The following ESF1 variants were observed in gnomAD, a reference collection of about 807,000 sequenced individuals.
ESF1 encodes ESF1 nucleolar pre-rRNA processing protein, also known as ESF1 homolog.
A neutral mutation model predicts 92.0 loss-of-function variants in ESF1; 58 were observed. That is an observed-to-expected ratio of 0.63 (90% CI 0.51 to 0.78). The LOEUF (loss-of-function observed/expected upper bound fraction) is 0.78, where lower values mean the gene tolerates loss of function less well. ESF1 is among the 30% of genes least tolerant of loss of function. The probability of loss-of-function intolerance (pLI) is 0.00; values close to 1 mark genes in which losing one functional copy is unlikely to be tolerated. For synonymous variants in ESF1, 321 were observed against 313.7 expected (o/e 1.02, Z -0.24); for missense variants, 922 against 989.1 (o/e 0.93, Z 0.91).
rs1978851869 is a variant in ESF1 at position 13,755,486 on chromosome 20, A to G, written c.1828+4206T>C. On this transcript the variant is annotated intron_variant, in intron 9 of 13. Coordinates refer to ENST00000617257, the MANE Select transcript of ESF1 (RefSeq NM_001276380.2). ...TTATACGTGTATTAGAAATTCCTCA[A>G]CGAGGTACATTTCTTGATGAAGGCC... 3.3e-5 allele frequency among the ~76,000 whole-genome samples: 5 copies of G among 152,222 alleles called. No homozygotes were observed. The South Asian group carries it at 1.0e-3, about 32-fold the overall frequency.
At chr20:13,758,339 T>C (rs1347283134) in intron 9 of ESF1, among the ~76,000 whole-genome samples, 1 of 152,212 alleles carries the variant, frequency 6.6e-6, no homozygotes, top group Non-Finnish European at 1.5e-5. Flanking sequence ...TGTCATATGA[T>C]ACACCAGTAA....
chr20:13,783,933 T>A (rs1300716881), intron 1 of ESF1, among the ~76,000 whole-genome samples: 1 of 152,238 alleles, frequency 6.6e-6, no homozygotes, highest in Non-Finnish European at 1.5e-5. Flanking sequence ...CAGCCTTTAG[T>A]TCTGTAAGAC....
At chr20:13,784,836 G>A (rs1463749132) in intron 1 of ESF1, 44 bp downstream of exon 1, 2 of 581,946 alleles carry the variant, frequency 3.4e-6, no homozygotes, top group African/African-American at 1.9e-5. Context: ...ACGCCCTCAA[G>A]CCCTTCATCT....
chr20:13,783,157 C>T lies in ESF1; in HGVS notation c.-17G>A, dbSNP rs897702766. Reference sequence around the variant, plus strand: ...GGATGACATTTTTAATTCTTAATCTCGACCAAATGCTTGAAGAAAACAAAT... The same window carrying T: ...GGATGACATTTTTAATTCTTAATCTTGACCAAATGCTTGAAGAAAACAAAT... On this transcript the variant is annotated 5_prime_UTR_variant, in exon 2 of 14. Transcript: ENST00000617257. 24 of 1,577,108 alleles carry T rather than the reference C, an allele frequency of 1.5e-5. No individual in the cohort carries two copies. Among genetic ancestry groups the T allele is most frequent in the Non-Finnish European group, 2.0e-5 (23 of 1,159,854 alleles).
intron 9 of ESF1, among the ~76,000 whole-genome samples, chr20:13,753,923 G>A (rs1978757054): frequency 6.6e-6 from 1 of 152,202 alleles, no homozygotes; most frequent in East Asian, 1.9e-4. Context: ...CTAGGCATAA[G>A]TTAATCTCTC....
rs764381950 is a variant in ESF1 at position 13,784,881 on chromosome 20, G to T, written c.-45C>A. 2.3e-4 allele frequency: 143 copies of T among 609,364 alleles called. No homozygotes were observed. The highest frequency in any genetic ancestry group is 3.8e-4 in the Non-Finnish European group (131 of 344,960). The allele number at this position is 609,364 out of a possible 1,614,324, so 37.7% of individuals were successfully genotyped here. On this transcript the variant is annotated splice_region_variant and 5_prime_UTR_variant, in exon 1 of 14. Coordinates refer to ENST00000617257, the MANE Select transcript of ESF1 (RefSeq NM_001276380.2). Reference sequence around the variant, plus strand: ...CAACTCCAGTCCATCCCCACTCACCGTCCGCAGTCCTACCAAGCCTCACGT... The same window carrying T: ...CAACTCCAGTCCATCCCCACTCACCTTCCGCAGTCCTACCAAGCCTCACGT...
chr20:13,720,217 C>T (rs956371576), intron 11 of ESF1, among the ~76,000 whole-genome samples: 3 of 152,066 alleles, frequency 2.0e-5, no homozygotes, highest in Non-Finnish European at 2.9e-5. Flanking sequence ...CGTGAAGACT[C>T]GATGAAGAGA....
intron 8 of ESF1, among the ~76,000 whole-genome samples, chr20:13,766,401 G>A (rs1425122628): frequency 1.3e-5 from 2 of 152,080 alleles, no homozygotes; most frequent in Non-Finnish European, 2.9e-5. Context: ...GAAACAGGGA[G>A]TCTACTTTTT....
chr20:13,765,522 G>A (rs918223468), intron 8 of ESF1, among the ~76,000 whole-genome samples: 1 of 152,130 alleles, frequency 6.6e-6, no homozygotes, highest in African/African-American at 2.4e-5. Context: ...AGAACAAAGA[G>A]CTATGAAAGT....
At chr20:13,781,416 T>C (rs982500953) in intron 2 of ESF1, among the ~76,000 whole-genome samples, 2 of 152,226 alleles carry the variant, frequency 1.3e-5, no homozygotes, top group Non-Finnish European at 2.9e-5. Context: ...CATCTTACTT[T>C]TTAATGTGGT....
intron 9 of ESF1, among the ~76,000 whole-genome samples, chr20:13,751,606 C>T (rs1050389442): frequency 2.0e-5 from 3 of 152,190 alleles, no homozygotes; most frequent in Non-Finnish European, 2.9e-5. Context: ...CCTGAAACTT[C>T]ATAAGGCATT....
Position 13,715,079 on chromosome 20 carries a change from T to G in ESF1, c.2351A>C (p.Lys784Thr). 1.2e-6 allele frequency: 2 copies of G among 1,614,034 alleles called. No individual in the cohort carries two copies. The highest frequency in any genetic ancestry group is 1.7e-6 in the Non-Finnish European group (2 of 1,179,994). The change falls in exon 14 of 14, where the codon AAA becomes ACA. Residue 784 changes from lysine to threonine, a missense_variant. Physicochemically the swap from Lys to Thr is moderately conservative, Grantham distance 78. Coordinates refer to ENST00000617257, the MANE Select transcript of ESF1 (RefSeq NM_001276380.2). ...CTCCTCAAGGATTTTTTCCATAGCT[T>G]TTGTTTTCTTGAAATTGGGATCTGA... is the stretch of plus-strand genomic sequence containing the variant. Reference protein sequence around the residue: ...DPSDPNFKKTKAMEKILEEKA... With the variant: ...DPSDPNFKKTTAMEKILEEKA...
At chr20:13,729,168 G>A (rs1219652809) in intron 10 of ESF1, among the ~76,000 whole-genome samples, 1 of 152,204 alleles carries the variant, frequency 6.6e-6, no homozygotes, top group African/African-American at 2.4e-5. Flanking sequence ...CGAGGCAGGA[G>A]AATCGCTTGA....
chr20:13,782,111 C>T (rs1980217086), intron 2 of ESF1, among the ~76,000 whole-genome samples: 1 of 152,180 alleles, frequency 6.6e-6, no homozygotes, highest in African/African-American at 2.4e-5. Context: ...CTCCTGACCT[C>T]AAGTGATCTG....
At chr20:13,777,117 G>GA (rs1459668843) in intron 2 of ESF1, among the ~76,000 whole-genome samples, 1 of 152,192 alleles carries the variant, frequency 6.6e-6, no homozygotes, top group Non-Finnish European at 1.5e-5. Context: ...ACTGACTTGG[G>GA]AAAGTAAAGA....
intron 9 of ESF1, among the ~76,000 whole-genome samples, chr20:13,749,100 C>T (rs1229365983): frequency 1.3e-5 from 2 of 151,966 alleles, no homozygotes; most frequent in Admixed American, 6.6e-5. Flanking sequence ...GAGTCTTGCT[C>T]TGTTGCCCAG....
At chr20:13,779,575 C>A (rs1980089435) in intron 2 of ESF1, among the ~76,000 whole-genome samples, 1 of 152,174 alleles carries the variant, frequency 6.6e-6, no homozygotes. Context: ...TGCTCTGTTG[C>A]CCAGGCTGGA....
chr20:13,756,371 A>T (rs75721913), intron 9 of ESF1, among the ~76,000 whole-genome samples: 1 of 152,154 alleles, frequency 6.6e-6, no homozygotes, highest in Non-Finnish European at 1.5e-5. Context: ...TTAAAATATC[A>T]ATTTTCCCCT....
At position 13,766,808 on chromosome 20, in the gene ESF1, T is replaced by C; in HGVS notation, c.1635A>G (p.Glu545=). 6.2e-7 allele frequency: 1 copy of C among 1,613,780 alleles called. No homozygotes were observed. The highest frequency in any genetic ancestry group is 1.1e-5 in the South Asian group (1 of 91,062). The change falls in exon 8 of 14, where the codon GAA becomes GAG. Residue 545 remains glutamate (E), a synonymous_variant. Transcript: ENST00000617257. ...GCTCCTCTTCTATCTCCTCTTCATC[T>C]TCACTAGAGGAAGCTAAGTAGGCTT... ...DFQAYLASSS[E]DEEEIEEELQ...
Sources: allele counts gnomAD v4.1 joint callset (sites outside exome capture counted in the v4.1 genomes callset), GRCh38; gene constraint gnomAD v4.1.1; transcripts MANE v1.5; gene names NCBI Gene and HGNC (gene_info 2026-07-23, HGNC 2026-07-21).